CUX1: variants seen among roughly 807,000 people sequenced by gnomAD.
CUX1 encodes the protein protein CASP.
Under a neutral mutation model 158.8 loss-of-function variants are expected in CUX1, and 31 were observed. The ratio of observed to expected loss-of-function variants is 0.20; its 90% CI spans 0.15 to 0.26. The LOEUF (loss-of-function observed/expected upper bound fraction) is 0.26, where lower values mean the gene tolerates loss of function less well. Ranked by LOEUF, CUX1 falls within the 10% of genes least tolerant of loss-of-function variation. The pLI is 1.00. For synonymous variants in CUX1, 879 were observed against 862.1 expected, an observed-to-expected ratio of 1.02 and a Z score of -0.34; for missense variants, 1,589 against 2,014.6, an observed-to-expected ratio of 0.79 and a Z score of 4.04.
intron 3 of CUX1, among the ~76,000 whole-genome samples, chr7:102,038,445 A>G (rs1253899992): frequency 6.6e-6 from 1 of 152,256 alleles, no homozygotes; most frequent in African/African-American, 2.4e-5. Flanking sequence ...GTCAGTAGCT[A>G]TATGAAAAGA....
In CUX1 at chr7:102,238,689, A is replaced by G. The variant is rs185057165; in HGVS notation, c.3623-631A>G. On this transcript the variant is annotated intron_variant, in intron 22 of 23. Coordinates refer to ENST00000292535, the MANE Select transcript of CUX1 (RefSeq NM_181552.4). Reference sequence around the variant, plus strand: ...CCGAGGAACTCTTCTCAGTATCCCCATGGTCTCTTGCACTTACTTACCCCC... The same window carrying G: ...CCGAGGAACTCTTCTCAGTATCCCCGTGGTCTCTTGCACTTACTTACCCCC... 5.3e-5 allele frequency among the ~76,000 whole-genome samples: 8 copies of G among 151,998 alleles called. No homozygotes were observed. The East Asian group carries it at 1.6e-3, about 29-fold the overall frequency.
chr7:102,071,214 C>T (rs1304835494), intron 4 of CUX1, among the ~76,000 whole-genome samples: 2 of 152,334 alleles, frequency 1.3e-5, no homozygotes, highest in South Asian at 2.1e-4. Context: ...CCACCTCAGC[C>T]TCCTAAAGTG....
chr7:101,940,284 G>C (rs1468941201), intron 2 of CUX1, among the ~76,000 whole-genome samples: 5 of 151,910 alleles, frequency 3.3e-5, no homozygotes, highest in African/African-American at 1.2e-4. Context: ...CGCAAAGCTG[G>C]TCAGTTTCCA....
At chr7:102,000,226 AAG>A (rs373695553) in intron 2 of CUX1, among the ~76,000 whole-genome samples, 1 of 150,752 alleles carries the variant, frequency 6.6e-6, no homozygotes, top group African/African-American at 2.4e-5. Context: ...CAAAAAAAAA[AAG>A]AGAGAGAGAG....
At position 102,257,256 on chromosome 7, in the gene CUX1, CT is replaced by C; in HGVS notation, c.*8217del. 2 of 985,234 alleles carry C rather than the reference CT, an allele frequency of 2.0e-6. No individual in the cohort carries two copies. The highest frequency in any genetic ancestry group is 2.4e-6 in the Non-Finnish European group (2 of 829,908). 61.0% of individuals were successfully genotyped at this position (985,234 alleles called of 1,614,324 possible). On this transcript the variant is annotated 3_prime_UTR_variant, in exon 24 of 24. Coordinates refer to ENST00000292535, the MANE Select transcript of CUX1 (RefSeq NM_181552.4). The stretch of plus-strand genomic sequence containing the variant: ...GCCGGGGGCCCTGATTTTGTTCTCT[CT>C]TTGAAAGAAACCCTCCACCGAAACA...
chr7:101,842,956 C>T (rs1795325687), intron 1 of CUX1, among the ~76,000 whole-genome samples: 2 of 149,374 alleles, frequency 1.3e-5, no homozygotes, highest in African/African-American at 2.5e-5. Context: ...CACTCCACCT[C>T]CCGGGTTCAC....
Position 102,201,537 on chromosome 7 carries a change from C to A in CUX1, c.2240C>A (p.Ser747Tyr). ...ACCATCCTCACCCCCAAGCTTCTGT[C>A]CACCTCGCCCATGCCCACCGTGTCC... is the stretch of plus-strand genomic sequence containing the variant. ...DITILTPKLL[S>Y]TSPMPTVSSY... The change falls in exon 18 of 24, where the codon TCC (serine) becomes TAC (tyrosine). Residue 747 changes from serine to tyrosine, a missense_variant. Around this residue, in one of 8 missense-constraint regions of CUX1, gnomAD observed 337 missense variants for 409.3 expected, o/e 0.82. Coordinates refer to ENST00000292535, the MANE Select transcript of CUX1 (RefSeq NM_181552.4). This position sits in a 1 kb window ranked among gnomAD's most constrained non-coding sequence, Gnocchi z 5.0. The A allele has an allele frequency of 6.2e-7, 1 of 1,614,144 alleles. No homozygotes were observed. The highest frequency in any genetic ancestry group is 8.5e-7 in the Non-Finnish European group (1 of 1,180,018).
In CUX1 at chr7:102,240,860, G is replaced by A. The variant is rs908867138; in HGVS notation, c.3887+1276G>A. The stretch of plus-strand genomic sequence containing the variant: ...GTTTGAGACGGAGCCTTGCTCTGTC[G>A]CCCAGGTTGGAGTGCAGTGGCACGA... On this transcript the variant is annotated intron_variant, in intron 23 of 23. Coordinates refer to ENST00000292535, the MANE Select transcript of CUX1 (RefSeq NM_181552.4). Among the ~76,000 whole-genome samples, 5 of 151,986 alleles carry A rather than the reference G, an allele frequency of 3.3e-5. No homozygotes were observed. In the South Asian group the frequency reaches 8.3e-4, roughly 25 times the overall value.
At chr7:101,836,253 G>A (rs994643976) in intron 1 of CUX1, among the ~76,000 whole-genome samples, 1 of 152,086 alleles carries the variant, frequency 6.6e-6, no homozygotes, top group African/African-American at 2.4e-5. Flanking sequence ...CTTCTGCCTT[G>A]GGTGTCATGC....
intron 9 of CUX1, 21 bp downstream of exon 9, chr7:102,158,629 A>G: frequency 6.2e-7 from 1 of 1,613,400 alleles, no homozygotes; most frequent in Middle Eastern, 1.7e-4. Flanking sequence ...GGACGCTTTT[A>G]GTCCTAAAAC....
chr7:102,204,296 G>C, intron 18 of CUX1, 95 bp from the exon 19 acceptor site: 1 of 1,498,672 alleles, frequency 6.7e-7, no homozygotes, highest in Non-Finnish European at 9.1e-7. Context: ...AGCCCTAGAC[G>C]CGCCCTCTGC....
intron 1 of CUX1, among the ~76,000 whole-genome samples, chr7:101,874,879 A>G (rs1016236814): frequency 2.6e-5 from 4 of 152,228 alleles, no homozygotes; most frequent in Non-Finnish European, 5.9e-5. Flanking sequence ...GAGCGTTTGC[A>G]TCACACCTTC....
chr7:101,996,681 C>T (rs1221795998), intron 2 of CUX1, among the ~76,000 whole-genome samples: 1 of 144,640 alleles, frequency 6.9e-6, no homozygotes, highest in East Asian at 2.1e-4. Context: ...ATCCTTCCCT[C>T]GTTTCCTTCC....
intron 1 of CUX1, among the ~76,000 whole-genome samples, chr7:101,863,246 A>T (rs1000642446): frequency 6.6e-6 from 1 of 151,940 alleles, no homozygotes; most frequent in Non-Finnish European, 1.5e-5. Flanking sequence ...TGTCATAATT[A>T]AAAAAAAATT....
At chr7:101,989,955 A>G (rs968691198) in intron 2 of CUX1, among the ~76,000 whole-genome samples, 1 of 152,196 alleles carries the variant, frequency 6.6e-6, no homozygotes, top group African/African-American at 2.4e-5. Context: ...AACCACTTTA[A>G]ATGAATTGAT....
chr7:102,259,355 AGGCCG>A (rs1318475236), downstream of CUX1, among the ~76,000 whole-genome samples: 1 of 152,172 alleles, frequency 6.6e-6, no homozygotes, highest in African/African-American at 2.4e-5. Flanking sequence ...TGGGAGGCCG[AGGCCG>A]GTGGATCACT....
chr7:102,206,882 G>T (rs905577308), intron 20 of CUX1, among the ~76,000 whole-genome samples: 2 of 152,128 alleles, frequency 1.3e-5, no homozygotes, highest in Non-Finnish European at 2.9e-5. Flanking sequence ...CTGGGCAACA[G>T]AGCGAGACTC....
intron 3 of CUX1, among the ~76,000 whole-genome samples, chr7:102,035,396 ATATT>A (rs2129348871): frequency 6.6e-6 from 1 of 152,310 alleles, no homozygotes; most frequent in Admixed American, 6.5e-5. Context: ...TCTTCTGAAT[ATATT>A]TAAAGTAGGC....
intron 15 of CUX1, chr7:102,274,041 G>T: frequency 1.8e-6 from 1 of 562,056 alleles, no homozygotes; most frequent in Non-Finnish European, 3.3e-6. Context: ...GGCCTCAGGA[G>T]TGACTCAGGG....
Sources: allele counts gnomAD v4.1 joint callset (sites outside exome capture counted in the v4.1 genomes callset), GRCh38; gene constraint gnomAD v4.1.1; regional missense constraint gnomAD v4.1.1; non-coding constraint Gnocchi (gnomAD v3.1); transcripts MANE v1.5; gene names NCBI Gene and HGNC (gene_info 2026-07-23, HGNC 2026-07-21).